DLG2: variants seen among roughly 807,000 people sequenced by gnomAD.
DLG2 encodes the protein discs large MAGUK scaffold protein 2.
Under a neutral mutation model 132.5 loss-of-function variants are expected in DLG2, and 45 were observed. The ratio of observed to expected loss-of-function variants is 0.34; its 90% CI spans 0.27 to 0.44. The LOEUF (loss-of-function observed/expected upper bound fraction) is 0.44, where lower values mean the gene tolerates loss of function less well. Among genes scored for constraint, DLG2 ranks in the 20% least tolerant of loss-of-function variants. DLG2 has a pLI of 1.00. For missense variants in DLG2, 1,045 were observed against 1,196.9 expected (o/e 0.87, Z 1.87); for synonymous variants, 424 against 419.6 (o/e 1.01, Z -0.13).
At chr11:85,446,473 T>C (rs1260889734) in intron 3 of DLG2, among the ~76,000 whole-genome samples, 3 of 152,236 alleles carry the variant, frequency 2.0e-5, no homozygotes, top group Non-Finnish European at 4.4e-5. Context: ...TACTGCTTTG[T>C]AATTCTTATG....
intron 19 of DLG2, among the ~76,000 whole-genome samples, chr11:83,600,017 GT>G (rs2058266624): frequency 6.6e-6 from 1 of 152,186 alleles, no homozygotes; most frequent in African/African-American, 2.4e-5. Flanking sequence ...GATAAGCTGA[GT>G]GTAATCTGAT....
chr11:84,512,541 T>C (rs1285493759), intron 7 of DLG2, among the ~76,000 whole-genome samples: 2 of 152,102 alleles, frequency 1.3e-5, no homozygotes, highest in Non-Finnish European at 2.9e-5. Flanking sequence ...TTCTAGGACT[T>C]TGAAAAATTC....
At chr11:85,021,632 T>C (rs1367815106) in intron 6 of DLG2, 4 of 1,266,896 alleles carry the variant, frequency 3.2e-6, no homozygotes, top group Middle Eastern at 1.8e-4. Context: ...GGATCTGTCT[T>C]GTTGGTAACG....
Position 83,833,687 on chromosome 11 carries a change from A to C in DLG2, c.1649T>G (p.Phe550Cys). ...IVGGEDGEGI[F>C]VSFILAGGPA... The stretch of plus-strand genomic sequence containing the variant: ...TCCACCAGCCAGAATGAAGGACACA[A>C]AAATACCTTCTCCATCTTCCCCACC... The change falls in exon 17 of 28, where the codon TTT becomes TGT. Residue 550 changes from phenylalanine (F) to cysteine (C), a missense_variant. Phe to Cys is a radical substitution (Grantham distance 205, BLOSUM62 -2). Transcript: ENST00000376104. The C allele has an allele frequency of 6.2e-7, 1 of 1,614,092 alleles. No homozygotes were observed. The highest frequency in any genetic ancestry group is 8.5e-7 in the Non-Finnish European group (1 of 1,179,978).
chr11:83,768,842 T>C (rs1371418627), intron 18 of DLG2, among the ~76,000 whole-genome samples: 1 of 152,218 alleles, frequency 6.6e-6, no homozygotes, highest in African/African-American at 2.4e-5. Context: ...GATTGGCAGT[T>C]AAGATCTGGC....
At chr11:84,965,399 C>A (rs1423995675) in intron 6 of DLG2, among the ~76,000 whole-genome samples, 1 of 152,030 alleles carries the variant, frequency 6.6e-6, no homozygotes, top group Admixed American at 6.6e-5. Flanking sequence ...GACACAATAT[C>A]CTTACTGAAG....
At chr11:83,575,391 A>G (rs886199479) in intron 19 of DLG2, among the ~76,000 whole-genome samples, 1 of 152,196 alleles carries the variant, frequency 6.6e-6, no homozygotes, top group Admixed American at 6.6e-5. Flanking sequence ...AGTTGAAGAC[A>G]TGGAACTGAG....
chr11:85,488,450 C>A (rs1177272247), intron 3 of DLG2, among the ~76,000 whole-genome samples: 1 of 151,816 alleles, frequency 6.6e-6, no homozygotes, highest in Non-Finnish European at 1.5e-5. Context: ...TGCCATGATT[C>A]TGAGGCCTCC....
intron 8 of DLG2, among the ~76,000 whole-genome samples, chr11:84,185,991 A>G (rs2096269211): frequency 6.6e-6 from 1 of 152,134 alleles, no homozygotes; most frequent in South Asian, 2.1e-4. Context: ...ATGTTATTCC[A>G]ATTGCCTGTG....
chr11:85,487,710 T>C (rs971155551), intron 3 of DLG2, among the ~76,000 whole-genome samples: 3 of 152,100 alleles, frequency 2.0e-5, no homozygotes, highest in African/African-American at 7.2e-5. Flanking sequence ...AAATTATTGG[T>C]AGTTCCAAGG....
At chr11:85,285,414 TA>T (rs1427725988) in intron 3 of DLG2, 49 bp from the exon 4 acceptor site, 4 of 1,574,686 alleles carry the variant, frequency 2.5e-6, no homozygotes, top group Non-Finnish European at 3.5e-6. Flanking sequence ...CATGACTTCA[TA>T]AATAGCTTCT....
At chr11:84,661,757 T>C (rs890104962) in intron 6 of DLG2, among the ~76,000 whole-genome samples, 1 of 152,070 alleles carries the variant, frequency 6.6e-6, no homozygotes, top group Non-Finnish European at 1.5e-5. Context: ...GAGAGAGATG[T>C]CCCTCATTCA....
chr11:85,036,578 AAC>A (rs1197728270), intron 6 of DLG2, among the ~76,000 whole-genome samples: 1 of 152,240 alleles, frequency 6.6e-6, no homozygotes, highest in Admixed American at 6.5e-5. Flanking sequence ...ATATAGCATA[AAC>A]AGAGAAAAAC....
intron 15 of DLG2, among the ~76,000 whole-genome samples, chr11:83,901,148 T>C (rs12271288): frequency 0.097 from 14,700 of 152,274 alleles, 845 homozygotes; most frequent in Middle Eastern, 0.2. Flanking sequence ...TGTAGCCCCA[T>C]TGTATCTATG....
At chr11:85,414,196 G>C (rs2089605359) in intron 3 of DLG2, among the ~76,000 whole-genome samples, 1 of 151,936 alleles carries the variant, frequency 6.6e-6, no homozygotes, top group South Asian at 2.1e-4. Context: ...TTGATTATCA[G>C]CTTTGTCGTT....
chr11:83,985,594 G>A (rs1364976753), intron 11 of DLG2, among the ~76,000 whole-genome samples: 2 of 152,194 alleles, frequency 1.3e-5, no homozygotes, highest in Admixed American at 1.3e-4. Flanking sequence ...ACTTACAAGT[G>A]ACAACATGTG....
intron 6 of DLG2, among the ~76,000 whole-genome samples, chr11:84,752,334 A>G (rs1367522885): frequency 6.6e-6 from 1 of 152,212 alleles, no homozygotes; most frequent in Non-Finnish European, 1.5e-5. Context: ...ATTCTAATGA[A>G]AGAAACAGCC....
chr11:84,563,910 C>T (rs147187096), intron 6 of DLG2, among the ~76,000 whole-genome samples: 42 of 152,112 alleles, frequency 2.8e-4, no homozygotes, highest in Middle Eastern at 3.4e-3. Context: ...TGGAGACACA[C>T]TGAAAGGTCA....
intron 6 of DLG2, among the ~76,000 whole-genome samples, chr11:84,776,759 G>A (rs2070598493): frequency 6.6e-6 from 1 of 151,788 alleles, no homozygotes; most frequent in South Asian, 2.1e-4. Flanking sequence ...ATTGCAGAGG[G>A]GTATTCCATT....
Sources: allele counts gnomAD v4.1 joint callset (sites outside exome capture counted in the v4.1 genomes callset), GRCh38; gene constraint gnomAD v4.1.1; transcripts MANE v1.5; gene names NCBI Gene and HGNC (gene_info 2026-07-23, HGNC 2026-07-21).